The following RALY variants were observed in gnomAD, a reference collection of about 807,000 sequenced individuals.
The protein encoded by RALY is RNA-binding protein Raly.
Under a neutral mutation model 30.7 loss-of-function variants are expected in RALY, and 15 were observed. The observed-to-expected ratio is 0.49, with a 90% confidence interval of 0.33 to 0.75. The LOEUF is 0.75. Ranked by LOEUF, RALY falls within the 30% of genes least tolerant of loss-of-function variation. The pLI is 0.02. For missense variants in RALY, 339 were observed against 414.3 expected, an observed-to-expected ratio of 0.82 and a Z score of 1.58; for synonymous variants, 177 against 170.8, an observed-to-expected ratio of 1.04 and a Z score of -0.28.
chr20:34,053,769 A>T (rs192169209), intron 2 of RALY, among the ~76,000 whole-genome samples: 1 of 152,330 alleles, frequency 6.6e-6, no homozygotes, highest in East Asian at 1.9e-4. Context: ...CTCTTTGCCC[A>T]GTATTCTTTC....
intron 2 of RALY, among the ~76,000 whole-genome samples, chr20:34,034,311 T>C (rs1364429684): frequency 1.3e-5 from 2 of 152,188 alleles, no homozygotes; most frequent in Non-Finnish European, 2.9e-5. Context: ...CAATGGACAT[T>C]CTGTTCTTCT....
chr20:34,004,101 T>A (rs1218440248), intron 1 of RALY, among the ~76,000 whole-genome samples: 1 of 152,196 alleles, frequency 6.6e-6, no homozygotes, highest in Admixed American at 6.5e-5. Context: ...CTATGAATTC[T>A]CACATAGCAA....
chr20:34,003,282 C>T (rs901305572), intron 1 of RALY, among the ~76,000 whole-genome samples: 2 of 152,144 alleles, frequency 1.3e-5, no homozygotes, highest in African/African-American at 2.4e-5. Flanking sequence ...GTTAACACTC[C>T]ATATCTTGCC....
intron 1 of RALY, chr20:34,016,616 T>A (rs1328944806): frequency 6.6e-6 from 1 of 152,252 alleles, no homozygotes; most frequent in Non-Finnish European, 1.5e-5. Flanking sequence ...TAAAAAGATA[T>A]GCATTATCTT....
At chr20:34,031,883 T>G (rs1481836565) in intron 2 of RALY, among the ~76,000 whole-genome samples, 2 of 152,186 alleles carry the variant, frequency 1.3e-5, no homozygotes, top group African/African-American at 4.8e-5. Context: ...TCTGCTGGGA[T>G]GTGGCAGGTG....
At chr20:34,004,512 G>A (rs890867029) in intron 1 of RALY, among the ~76,000 whole-genome samples, 5 of 152,224 alleles carry the variant, frequency 3.3e-5, no homozygotes, top group Non-Finnish European at 5.9e-5. Flanking sequence ...AGGCACAGAT[G>A]AATGACTAGA....
intron 2 of RALY, among the ~76,000 whole-genome samples, chr20:34,064,365 G>A (rs1174665030): frequency 6.6e-6 from 1 of 152,124 alleles, no homozygotes; most frequent in Non-Finnish European, 1.5e-5. Context: ...ACTGAGGCCT[G>A]CCTTCTGTTT....
At chr20:34,002,348 T>A (rs2030957073) in intron 1 of RALY, among the ~76,000 whole-genome samples, 1 of 152,204 alleles carries the variant, frequency 6.6e-6, no homozygotes, top group Non-Finnish European at 1.5e-5. Flanking sequence ...CCAACAGCCT[T>A]CCATCCCTAA....
At chr20:34,060,352 T>C (rs1445450377) in intron 2 of RALY, among the ~76,000 whole-genome samples, 2 of 152,232 alleles carry the variant, frequency 1.3e-5, no homozygotes, top group Non-Finnish European at 2.9e-5. Context: ...CATTGGAGCA[T>C]TTCAGATTAG....
chr20:33,994,668 C>G (rs980296622), intron 1 of RALY, among the ~76,000 whole-genome samples: 3 of 152,148 alleles, frequency 2.0e-5, no homozygotes, highest in African/African-American at 7.2e-5. Flanking sequence ...GAAACAACAA[C>G]GGGCCCTCGA....
intron 1 of RALY, among the ~76,000 whole-genome samples, chr20:34,003,380 G>A (rs2031009162): frequency 6.6e-6 from 1 of 152,116 alleles, no homozygotes; most frequent in Non-Finnish European, 1.5e-5. Flanking sequence ...TCAGTCATTT[G>A]TCAGTGGTAA....
At chr20:34,001,787 G>A (rs962251493) in intron 1 of RALY, among the ~76,000 whole-genome samples, 4 of 151,640 alleles carry the variant, frequency 2.6e-5, no homozygotes, top group Non-Finnish European at 4.4e-5. Flanking sequence ...TTTTTTTTGA[G>A]ACGGAGTCTC....
chr20:34,017,716 T>C (rs1019971176), intron 1 of RALY: 2 of 152,258 alleles, frequency 1.3e-5, no homozygotes, highest in African/African-American at 4.8e-5. Flanking sequence ...AAGGGATTCA[T>C]AACTGGATGC....
At chr20:34,015,689 T>G (rs749531764) in intron 1 of RALY, among the ~76,000 whole-genome samples, 4 of 152,152 alleles carry the variant, frequency 2.6e-5, no homozygotes, top group African/African-American at 7.2e-5. Context: ...GCAGATAGGT[T>G]TGCCCTTGAG....
At chr20:34,074,527 T>A (rs2122304510) in intron 5 of RALY, among the ~76,000 whole-genome samples, 1 of 152,302 alleles carries the variant, frequency 6.6e-6, no homozygotes, top group Non-Finnish European at 1.5e-5. Flanking sequence ...AGTGCCTCTC[T>A]GAGCATGAGT....
intron 1 of RALY, among the ~76,000 whole-genome samples, chr20:34,025,086 G>A (rs187746855): frequency 3.4e-4 from 52 of 152,270 alleles, no homozygotes; most frequent in Admixed American, 1.4e-3. Context: ...GTGTGTGGTC[G>A]GTTGTGAGCC....
intron 1 of RALY, among the ~76,000 whole-genome samples, chr20:34,011,855 C>T (rs1219641803): frequency 1.3e-5 from 2 of 152,100 alleles, no homozygotes; most frequent in Non-Finnish European, 2.9e-5. Flanking sequence ...CGCTTGAGGT[C>T]AGGAGTTCAA....
intron 1 of RALY, among the ~76,000 whole-genome samples, chr20:33,995,832 T>C (rs1413027453): frequency 6.6e-6 from 1 of 152,220 alleles, no homozygotes; most frequent in African/African-American, 2.4e-5. Context: ...TCCAGTCTTC[T>C]TCCTCCTAAT....
At chr20:34,036,194 G>A (rs575534458) in intron 2 of RALY, among the ~76,000 whole-genome samples, 3 of 151,954 alleles carry the variant, frequency 2.0e-5, no homozygotes, top group Non-Finnish European at 2.9e-5. Context: ...CTAGTACAGC[G>A]TTGAATAGAA....
Sources: gnomAD v4.1 joint callset for allele counts (sites outside exome capture counted in the v4.1 genomes callset) on GRCh38, gnomAD v4.1.1 for gene constraint, MANE v1.5 for transcripts, NCBI Gene and HGNC (gene_info 2026-07-23, HGNC 2026-07-21) for gene names.